Variants in XYLT1 observed in about 807,000 individuals in gnomAD.
The protein encoded by XYLT1 is beta-D-xylosyltransferase 1.
Under a neutral mutation model 91.3 loss-of-function variants are expected in XYLT1, and 36 were observed. The ratio of observed to expected loss-of-function variants is 0.39; its 90% CI spans 0.30 to 0.52. XYLT1 has a LOEUF of 0.52. Ranked by LOEUF, XYLT1 falls within the 20% of genes least tolerant of loss-of-function variation. The pLI, the probability that XYLT1 is intolerant of heterozygous loss-of-function variation, is 0.68. For synonymous variants in XYLT1, 588 were observed against 532.0 expected (o/e 1.11, Z -1.45); for missense variants, 1,242 against 1,284.5 (o/e 0.97, Z 0.51).
At chr16:17,319,720 C>G (rs565731113) in intron 2 of XYLT1, among the ~76,000 whole-genome samples, 1 of 152,134 alleles carries the variant, frequency 6.6e-6, no homozygotes, top group Non-Finnish European at 1.5e-5. Context: ...GGATTACAGG[C>G]GTGAGCCCCC....
chr16:17,337,476 T>G (rs912004291), intron 2 of XYLT1, among the ~76,000 whole-genome samples: 1 of 151,928 alleles, frequency 6.6e-6, no homozygotes, highest in Non-Finnish European at 1.5e-5. Context: ...TGAGCCACCA[T>G]GCCCGGCCTC....
chr16:17,315,642 G>T (rs1261599848), intron 2 of XYLT1, among the ~76,000 whole-genome samples: 1 of 152,124 alleles, frequency 6.6e-6, no homozygotes, highest in Non-Finnish European at 1.5e-5. Context: ...ATAAGACTTG[G>T]CACAAAGTAG....
chr16:17,344,591 T>C (rs2035118050), intron 2 of XYLT1, among the ~76,000 whole-genome samples: 1 of 151,846 alleles, frequency 6.6e-6, no homozygotes, highest in Non-Finnish European at 1.5e-5. Context: ...AAGGTTGCCC[T>C]GGGGAAGGGA....
chr16:17,138,363 G>A lies in XYLT1; in HGVS notation c.1756C>T (p.Arg586Cys), dbSNP rs139179946. 2.7e-4 allele frequency: 436 copies of A among 1,611,566 alleles called. No homozygotes were observed. The highest frequency in any genetic ancestry group is 4.0e-4 in the East Asian group (18 of 44,810). ...CCATGAGAAAGTCTCACCTGGAAGC[G>A]GTGGAAGTCCTGCGGCTTGAAGTCA... is the stretch of plus-strand genomic sequence containing the variant. The part of the protein sequence containing the change: ...PNDFKPQDFH[R>C]FQQTARPTFF... Residue 586 changes from arginine (R) to cysteine (C), a missense_variant, in exon 8 of 12, where the codon CGC (arginine) becomes TGC (cysteine). Transcript: ENST00000261381.
At chr16:17,140,024 T>G (rs2030915015) in intron 7 of XYLT1, among the ~76,000 whole-genome samples, 1 of 152,074 alleles carries the variant, frequency 6.6e-6, no homozygotes, top group Non-Finnish European at 1.5e-5. Context: ...TGCCATAGAC[T>G]CAATAGAAAC....
intron 3 of XYLT1, chr16:17,249,732 G>T (rs890910034): frequency 6.6e-6 from 1 of 152,244 alleles, no homozygotes; most frequent in African/African-American, 2.4e-5. Context: ...GCAGTGGTGT[G>T]ATCTCAGCTC....
At chr16:17,400,949 T>C (rs1467685853) in intron 1 of XYLT1, among the ~76,000 whole-genome samples, 1 of 150,568 alleles carries the variant, frequency 6.6e-6, no homozygotes, top group Non-Finnish European at 1.5e-5. Context: ...AATCCAGCTC[T>C]CTCTCCTCTG....
At chr16:17,112,446 C>T (rs12927816) in intron 11 of XYLT1, among the ~76,000 whole-genome samples, 81,445 of 151,408 alleles carry the variant, frequency 0.54, 24,933 homozygotes, top group Non-Finnish European at 0.68. Context: ...CCTTAGAAAC[C>T]CTAGAAGAAA....
chr16:17,398,285 C>CA lies in XYLT1; in HGVS notation c.364-40236dup, dbSNP rs1210556671. On this transcript the variant is annotated intron_variant, in intron 1 of 11. Coordinates refer to ENST00000261381, the MANE Select transcript of XYLT1 (RefSeq NM_022166.4). ...GCTTAAGTGCCTGCTGGAATCAAGA[C>CA]AAAGAAAGAGGCCCAGCTCCCCATC... Among the ~76,000 whole-genome samples the CA allele has an allele frequency of 2.0e-5, 3 of 152,146 alleles. No homozygotes were observed. The East Asian group carries it at 5.8e-4, about 29-fold the overall frequency.
chr16:17,319,521 C>A (rs563331957), intron 2 of XYLT1, among the ~76,000 whole-genome samples: 2 of 151,820 alleles, frequency 1.3e-5, no homozygotes, highest in Non-Finnish European at 2.9e-5. Context: ...TGGCTCACTG[C>A]AACCTCTGCC....
intron 2 of XYLT1, among the ~76,000 whole-genome samples, chr16:17,325,717 A>G (rs1261295306): frequency 2.0e-5 from 3 of 152,164 alleles, no homozygotes; most frequent in African/African-American, 7.2e-5. Context: ...TTCCATTCAA[A>G]CATTTAATTC....
intron 3 of XYLT1, among the ~76,000 whole-genome samples, chr16:17,241,462 C>T (rs967900942): frequency 7.2e-5 from 11 of 152,218 alleles, no homozygotes; most frequent in Admixed American, 2.0e-4. Context: ...GCCGTGGCTT[C>T]GCTGGGCCTC....
At chr16:17,440,442 A>G (rs1482402414) in intron 1 of XYLT1, among the ~76,000 whole-genome samples, 2 of 152,188 alleles carry the variant, frequency 1.3e-5, no homozygotes, top group African/African-American at 4.8e-5. Flanking sequence ...ACATAATTAC[A>G]GTCAGCACAA....
At chr16:17,345,321 C>G (rs774005362) in intron 2 of XYLT1, among the ~76,000 whole-genome samples, 5 of 152,236 alleles carry the variant, frequency 3.3e-5, no homozygotes, top group Non-Finnish European at 7.3e-5. Context: ...CTGCTTCCCT[C>G]TCTGTAAAGA....
chr16:17,295,810 G>A (rs980720968), intron 2 of XYLT1, among the ~76,000 whole-genome samples: 4 of 152,148 alleles, frequency 2.6e-5, no homozygotes, highest in Admixed American at 1.3e-4. Context: ...GTAATGCACA[G>A]GACGACCCTC....
At chr16:17,429,271 G>A (rs906958811) in intron 1 of XYLT1, among the ~76,000 whole-genome samples, 162 of 152,268 alleles carry the variant, frequency 1.1e-3, no homozygotes, top group African/African-American at 3.7e-3. Context: ...ATTAAAAATG[G>A]TCTTTCTTTC....
chr16:17,415,403 A>G (rs2036168050), intron 1 of XYLT1, among the ~76,000 whole-genome samples: 1 of 152,166 alleles, frequency 6.6e-6, no homozygotes, highest in African/African-American at 2.4e-5. Context: ...TCAGAAATAA[A>G]TGGAGGCCGG....
chr16:17,340,663 T>C (rs1358957534), intron 2 of XYLT1, among the ~76,000 whole-genome samples: 6 of 152,260 alleles, frequency 3.9e-5, no homozygotes, highest in Admixed American at 3.3e-4. Flanking sequence ...AGTTTTGCTA[T>C]TTGAAAGAGG....
At chr16:17,254,145 T>C (rs902865014) in intron 3 of XYLT1, among the ~76,000 whole-genome samples, 1 of 152,196 alleles carries the variant, frequency 6.6e-6, no homozygotes, top group Non-Finnish European at 1.5e-5. Flanking sequence ...TTAGCACAGG[T>C]GACCCTTGAA....
Sources: gnomAD v4.1 joint callset for allele counts (sites outside exome capture counted in the v4.1 genomes callset) on GRCh38, gnomAD v4.1.1 for gene constraint, MANE v1.5 for transcripts, NCBI Gene and HGNC (gene_info 2026-07-23, HGNC 2026-07-21) for gene names.